Variants in TFDP1 observed in about 807,000 individuals in gnomAD.
TFDP1 encodes the protein transcription factor Dp-1.
TFDP1 carries 6 observed loss-of-function variants against 48.0 expected under a neutral mutation model. The ratio of observed to expected loss-of-function variants is 0.13; its 90% confidence interval spans 0.07 to 0.25. The LOEUF (loss-of-function observed/expected upper bound fraction) is 0.25. Among genes scored for constraint, TFDP1 ranks in the 10% least tolerant of loss-of-function variants. TFDP1 has a pLI of 1.00. For synonymous variants in TFDP1, 201 were observed against 211.6 expected, an observed-to-expected ratio of 0.95 and a Z score of 0.44; for missense variants, 335 against 543.0, an observed-to-expected ratio of 0.62 and a Z score of 3.81.
chr13:113,595,898 T>A (rs373013278), intron 2 of TFDP1, among the ~76,000 whole-genome samples: 4 of 152,106 alleles, frequency 2.6e-5, no homozygotes, highest in Non-Finnish European at 4.4e-5. Flanking sequence ...CTGGCTAACA[T>A]GGTGAAACCC....
Position 113,595,800 on chromosome 13 carries a change from C to T in TFDP1, c.12+9951C>T, listed in dbSNP as rs749228674. The stretch of plus-strand genomic sequence containing the variant: ...TTCCTCTCCTTGAAAGTATTAATGG[C>T]GGCCGGGTGCGGTGGCTCACGCCTG... On this transcript the variant is annotated intron_variant, in intron 2 of 11. Coordinates refer to ENST00000375370, the MANE Select transcript of TFDP1 (RefSeq NM_007111.5). Among the ~76,000 whole-genome samples the T allele has an allele frequency of 5.3e-5, 8 of 152,190 alleles. 1 individual carries two copies. The South Asian group carries it at 1.0e-3, about 20-fold the overall frequency.
chr13:113,594,017 T>G (rs1279482120), intron 2 of TFDP1, among the ~76,000 whole-genome samples: 66 of 98,940 alleles, frequency 6.7e-4, no homozygotes, highest in East Asian at 1.4e-3. Context: ...CAGGTGACAG[T>G]TGTGCTGTGT....
At chr13:113,613,570 G>A (rs889107302) in intron 3 of TFDP1, among the ~76,000 whole-genome samples, 1 of 125,902 alleles carries the variant, frequency 7.9e-6, no homozygotes, top group East Asian at 2.9e-4. Context: ...GTGTGCATAC[G>A]AGTGTGTGTG....
intron 3 of TFDP1, among the ~76,000 whole-genome samples, chr13:113,618,629 TG>T (rs2048920425): frequency 6.6e-6 from 1 of 152,222 alleles, no homozygotes; most frequent in South Asian, 2.1e-4. Flanking sequence ...TGGCCTGGAA[TG>T]ACCACTTGGG....
chr13:113,608,474 C>T (rs2048624133), intron 2 of TFDP1, among the ~76,000 whole-genome samples: 1 of 152,216 alleles, frequency 6.6e-6, no homozygotes, highest in Non-Finnish European at 1.5e-5. Context: ...CTTGCTCCGT[C>T]AGACCCCCAG....
At position 113,602,134 on chromosome 13, in the gene TFDP1, G is replaced by A. The variant is rs181322270; in HGVS notation, c.13-8862G>A. Among the ~76,000 whole-genome samples, 577 of 151,394 alleles carry A rather than the reference G, an allele frequency of 3.8e-3. 7 individuals carry two copies. Among genetic ancestry groups the A allele is most frequent in the Admixed American group, 1.0e-2 (152 of 15,204 alleles). On this transcript the variant is annotated intron_variant, in intron 2 of 11. Coordinates refer to ENST00000375370, the MANE Select transcript of TFDP1 (RefSeq NM_007111.5). ...GAGGGAGGAGTGGACAGAGTTACCC[G>A]CAGGAGTTGAGGGAGGAGTGGACGG... is the stretch of plus-strand genomic sequence containing the variant.
At chr13:113,619,021 G>A (rs541844892) in intron 3 of TFDP1, among the ~76,000 whole-genome samples, 18 of 152,246 alleles carry the variant, frequency 1.2e-4, no homozygotes, top group East Asian at 5.8e-4. Flanking sequence ...GGGCAGACTC[G>A]GGGGGAGGCT....
At chr13:113,624,078 C>G (rs1350180945) in intron 4 of TFDP1, among the ~76,000 whole-genome samples, 1 of 152,102 alleles carries the variant, frequency 6.6e-6, no homozygotes, top group East Asian at 1.9e-4. Context: ...TGCCTGAGGG[C>G]TCCTTCCTGG....
intron 9 of TFDP1, 75 bp from the exon 10 acceptor site, chr13:113,636,459 C>T (rs188835507): frequency 1.9e-5 from 29 of 1,529,732 alleles, no homozygotes; most frequent in East Asian, 1.8e-4. Flanking sequence ...GCGGGTCAGC[C>T]GTCCTGGCTC....
chr13:113,636,835 A>G, intron 10 of TFDP1, 135 bp downstream of exon 10: 1 of 1,120,762 alleles, frequency 8.9e-7, no homozygotes, highest in Non-Finnish European at 1.2e-6. Flanking sequence ...AGCAAAGACA[A>G]AGGGGCTGTG....
chr13:113,604,378 A>G (rs1205195220), intron 2 of TFDP1, among the ~76,000 whole-genome samples: 1 of 152,184 alleles, frequency 6.6e-6, no homozygotes, highest in Non-Finnish European at 1.5e-5. Context: ...CACAGAGGCT[A>G]TAATTGGGTC....
At chr13:113,613,443 C>T (rs1459455452) in intron 3 of TFDP1, among the ~76,000 whole-genome samples, 1 of 152,256 alleles carries the variant, frequency 6.6e-6, no homozygotes, top group East Asian at 1.9e-4. Context: ...CCAATGTTCA[C>T]TTCCGGTGTT....
At chr13:113,595,492 C>T (rs2316121) in intron 2 of TFDP1, among the ~76,000 whole-genome samples, 60,544 of 152,038 alleles carry the variant, frequency 0.4, 12,533 homozygotes, top group African/African-American at 0.48. Context: ...TCCTGTCAGC[C>T]TGGTGCTTTA....
At chr13:113,594,166 A>C (rs1470139145) in intron 2 of TFDP1, among the ~76,000 whole-genome samples, 1 of 145,158 alleles carries the variant, frequency 6.9e-6, no homozygotes, top group Admixed American at 6.9e-5. Flanking sequence ...AGCCGTGCCC[A>C]GGTGACAGGT....
At chr13:113,606,737 C>G (rs1203447829) in intron 2 of TFDP1, among the ~76,000 whole-genome samples, 1 of 152,158 alleles carries the variant, frequency 6.6e-6, no homozygotes, top group Admixed American at 6.5e-5. Flanking sequence ...GTTTTGTTTT[C>G]TAATTTCCTT....
rs933392059 is a variant in TFDP1 at position 113,592,346 on chromosome 13, G to A, written c.12+6497G>A. Among the ~76,000 whole-genome samples, 5 of 152,308 alleles carry A rather than the reference G, an allele frequency of 3.3e-5. No homozygotes were observed. The East Asian group carries it at 5.8e-4, about 18-fold the overall frequency. On this transcript the variant is annotated intron_variant, in intron 2 of 11. Coordinates refer to ENST00000375370, the MANE Select transcript of TFDP1 (RefSeq NM_007111.5). ...AATTTTTTGTATTTTTAGTAGAGAC[G>A]GGGTTTCTTCATGTTGCTCAGGCTG...
At position 113,640,375 on chromosome 13, in the gene TFDP1, G is replaced by A. The variant is rs1414865967; in HGVS notation, c.*108G>A. On this transcript the variant is annotated 3_prime_UTR_variant, in exon 12 of 12. Coordinates refer to ENST00000375370, the MANE Select transcript of TFDP1 (RefSeq NM_007111.5). ...TTTGGCCTACTCCCAAGAAGATATT[G>A]GTAAGCTATTGAATTTAGATATGCA... The A allele has an allele frequency of 6.7e-7, 1 of 1,496,836 alleles. No individual in the cohort carries two copies. The highest frequency in any genetic ancestry group is 8.9e-7 in the Non-Finnish European group (1 of 1,129,580). 92.7% of individuals were successfully genotyped at this position (1,496,836 alleles called of 1,614,324 possible).
intron 2 of TFDP1, among the ~76,000 whole-genome samples, chr13:113,603,149 A>T (rs1239981088): frequency 6.6e-6 from 1 of 152,256 alleles, no homozygotes; most frequent in Non-Finnish European, 1.5e-5. Flanking sequence ...AGAGAAGAGC[A>T]GGGCAGAGAA....
In TFDP1 at chr13:113,634,632, G is replaced by A. The variant is rs374105250; in HGVS notation, c.687+30G>A. ...GAGAATACGTATCTGTGGAGGCAGG[G>A]TAATTTTTATTTTACTAATTTAGCT... On this transcript the variant is annotated intron_variant, in intron 8 of 11. Transcript: ENST00000375370. 4.4e-5 allele frequency: 68 copies of A among 1,561,682 alleles called. No individual in the cohort carries two copies. The African/African-American group carries it at 6.7e-4, about 15-fold the overall frequency.
Sources: gnomAD v4.1 joint callset for allele counts (sites outside exome capture counted in the v4.1 genomes callset) on GRCh38, gnomAD v4.1.1 for gene constraint, MANE v1.5 for transcripts, NCBI Gene and HGNC (gene_info 2026-07-23, HGNC 2026-07-21) for gene names.